Variants in UGT1A10 observed in about 807,000 individuals in gnomAD.
UGT1A10 encodes the protein UDP glucuronosyltransferase family 1 member A10.
Under a neutral mutation model 45.8 loss-of-function variants are expected in UGT1A10, and 49 were observed. The ratio of observed to expected loss-of-function variants is 1.07; its 90% CI spans 0.85 to 1.36. The LOEUF (loss-of-function observed/expected upper bound fraction) is 1.36, where lower values mean the gene tolerates loss of function less well. Ranked by LOEUF, UGT1A10 falls within the 40% of genes most tolerant of loss-of-function variation. UGT1A10 has a pLI of 0.00. For missense variants in UGT1A10, 745 were observed against 668.6 expected (o/e 1.11, Z -1.26); for synonymous variants, 284 against 249.7 (o/e 1.14, Z -1.29).
intron 1 of UGT1A10, among the ~76,000 whole-genome samples, chr2:233,653,192 A>G (rs890568006): frequency 6.6e-6 from 1 of 152,234 alleles, no homozygotes; most frequent in African/African-American, 2.4e-5. Context: ...AACTTTAAAA[A>G]TTATTTATTT....
chr2:233,722,354 A>G (rs2077008868), intron 1 of UGT1A10, among the ~76,000 whole-genome samples: 2 of 152,262 alleles, frequency 1.3e-5, no homozygotes, highest in African/African-American at 4.8e-5. Flanking sequence ...CTACAAATAT[A>G]CAAGACTAAA....
Position 233,693,653 on chromosome 2 carries a change from T to A in UGT1A10, c.855+56276T>A, listed in dbSNP as rs1169915380. On this transcript the variant is annotated intron_variant, in intron 1 of 4. Coordinates refer to ENST00000344644, the MANE Select transcript of UGT1A10 (RefSeq NM_019075.4). Reference sequence around the variant, plus strand: ...AGTGGCCAACTTCCTTGTTAATTTGTTGGAGCCCTATCTATTTTATTGTCT... The same window carrying A: ...AGTGGCCAACTTCCTTGTTAATTTGATGGAGCCCTATCTATTTTATTGTCT... The A allele has an allele frequency of 1.9e-6, 3 of 1,614,138 alleles. No homozygotes were observed. In the African/African-American group the frequency reaches 4.0e-5, roughly 22 times the overall value.
At chr2:233,713,240 A>G (rs1016025091) in intron 1 of UGT1A10, 10 of 1,614,146 alleles carry the variant, frequency 6.2e-6, no homozygotes, top group African/African-American at 2.7e-5. Context: ...ATGCCATTTC[A>G]TGGACCCAGG....
chr2:233,729,060 A>G (rs1266592558), intron 1 of UGT1A10: 4 of 1,610,542 alleles, frequency 2.5e-6, no homozygotes, highest in Non-Finnish European at 3.4e-6. Flanking sequence ...GGTAATTAAG[A>G]TGAAGAAAGC....
chr2:233,686,205 T>A (rs895549790), intron 1 of UGT1A10, among the ~76,000 whole-genome samples: 6 of 151,874 alleles, frequency 4.0e-5, no homozygotes, highest in Admixed American at 6.6e-5. Context: ...GAAGAAAAAA[T>A]TAGAAAAATA....
chr2:233,642,950 A>G (rs2073493515), intron 1 of UGT1A10, among the ~76,000 whole-genome samples: 2 of 152,102 alleles, frequency 1.3e-5, no homozygotes, highest in Admixed American at 1.3e-4. Flanking sequence ...GGGTGGAGTG[A>G]CACAAGCATC....
intron 1 of UGT1A10, among the ~76,000 whole-genome samples, chr2:233,668,390 C>A (rs920817336): frequency 1.3e-5 from 2 of 152,114 alleles, no homozygotes; most frequent in African/African-American, 4.8e-5. Context: ...TGAACTCATC[C>A]TTTTTTATGG....
At chr2:233,768,114 G>T in intron 3 of UGT1A10, 106 bp from the exon 4 acceptor site, 2 of 1,597,766 alleles carry the variant, frequency 1.3e-6, no homozygotes. Flanking sequence ...TTCTGCAAGG[G>T]CATGTGAGTA....
At chr2:233,663,087 T>C (rs1405099443) in intron 1 of UGT1A10, among the ~76,000 whole-genome samples, 1 of 152,190 alleles carries the variant, frequency 6.6e-6, no homozygotes, top group Non-Finnish European at 1.5e-5. Context: ...TGCAGAACTC[T>C]CTTCATCTTC....
At chr2:233,691,003 G>T (rs1169331447) in intron 1 of UGT1A10, 16 of 994,078 alleles carry the variant, frequency 1.6e-5, no homozygotes, top group African/African-American at 1.7e-5. Context: ...AGGATTTTCA[G>T]AGCAAGGCTG....
At chr2:233,729,541 A>G (rs750509875) in intron 1 of UGT1A10, 1 of 1,614,224 alleles carries the variant, frequency 6.2e-7, no homozygotes, top group South Asian at 1.1e-5. Context: ...GGCCCTGATC[A>G]GGCACCTGAA....
intron 1 of UGT1A10, among the ~76,000 whole-genome samples, chr2:233,758,729 C>T (rs1001839617): frequency 6.6e-6 from 1 of 152,208 alleles, no homozygotes; most frequent in African/African-American, 2.4e-5. Context: ...CCTCTAAGCA[C>T]ATCCCCAAGT....
intron 1 of UGT1A10, chr2:233,755,113 A>G (rs1695768898): frequency 4.5e-6 from 6 of 1,332,422 alleles, no homozygotes; most frequent in Non-Finnish European, 6.1e-6. Flanking sequence ...AACACCTCGT[A>G]GGCCTCAGCC....
chr2:233,672,812 C>T (rs1399377791), intron 1 of UGT1A10: 1 of 1,596,044 alleles, frequency 6.3e-7, no homozygotes, highest in South Asian at 1.1e-5. Context: ...TCCTTTAGCA[C>T]CTTAAGAATA....
At chr2:233,724,425 G>C (rs1323206550) in intron 1 of UGT1A10, among the ~76,000 whole-genome samples, 9 of 126,856 alleles carry the variant, frequency 7.1e-5, no homozygotes, top group Admixed American at 1.5e-4. Context: ...CGGGCGGAGA[G>C]GCTCCTCACT....
At chr2:233,767,959 A>G in intron 3 of UGT1A10, 23 bp downstream of exon 3, 1 of 1,614,218 alleles carries the variant, frequency 6.2e-7, no homozygotes, top group Non-Finnish European at 8.5e-7. Flanking sequence ...GATTGGATGT[A>G]TAGGTCAAAC....
intron 1 of UGT1A10, among the ~76,000 whole-genome samples, chr2:233,762,822 C>T (rs1698173721): frequency 6.6e-6 from 1 of 150,904 alleles, no homozygotes; most frequent in African/African-American, 2.4e-5. Flanking sequence ...TATTGATTTT[C>T]ATAATAAAAA....
intron 1 of UGT1A10, among the ~76,000 whole-genome samples, chr2:233,697,691 T>A (rs568547082): frequency 1.3e-5 from 2 of 152,252 alleles, no homozygotes; most frequent in African/African-American, 4.8e-5. Flanking sequence ...TTTCTGCTTT[T>A]TGGATGTAGG....
At chr2:233,755,280 C>T in intron 1 of UGT1A10, 2 of 709,722 alleles carry the variant, frequency 2.8e-6, no homozygotes, top group Non-Finnish European at 2.2e-6. Context: ...GCTGGACTGC[C>T]AAAGAGCCTG....
Sources: gnomAD v4.1 joint callset for allele counts (sites outside exome capture counted in the v4.1 genomes callset) on GRCh38, gnomAD v4.1.1 for gene constraint, MANE v1.5 for transcripts, NCBI Gene and HGNC (gene_info 2026-07-23, HGNC 2026-07-21) for gene names.